The following FIG4 variants were observed in gnomAD, a reference collection of about 807,000 sequenced individuals.
The protein encoded by FIG4 is polyphosphoinositide phosphatase.
Under a neutral mutation model 118.6 loss-of-function variants are expected in FIG4, and 112 were observed. That is an observed-to-expected ratio of 0.94 (90% CI 0.81 to 1.11). The LOEUF is 1.11. Ranked by LOEUF, FIG4 falls within the 50% of genes least tolerant of loss-of-function variation. The probability of loss-of-function intolerance (pLI) is 0.00; values close to 1 mark genes in which losing one functional copy is unlikely to be tolerated. For synonymous variants in FIG4, 369 were observed against 381.2 expected (o/e 0.97, Z 0.37); for missense variants, 969 against 1,111.7 (o/e 0.87, Z 1.83).
At chr6:109,771,116 C>G (rs946610689) in intron 15 of FIG4, among the ~76,000 whole-genome samples, 2 of 152,208 alleles carry the variant, frequency 1.3e-5, no homozygotes, top group Non-Finnish European at 2.9e-5. Context: ...TTGGCAATAG[C>G]AGAAATAAAA....
intron 1 of FIG4, among the ~76,000 whole-genome samples, chr6:109,696,184 T>C (rs1192605284): frequency 6.6e-6 from 1 of 152,208 alleles, no homozygotes; most frequent in Non-Finnish European, 1.5e-5. Context: ...GATTTGACGT[T>C]TGTTCATGTT....
intron 11 of FIG4, among the ~76,000 whole-genome samples, chr6:109,760,763 CA>C (rs1777081293): frequency 6.6e-6 from 1 of 152,084 alleles, no homozygotes; most frequent in Non-Finnish European, 1.5e-5. Flanking sequence ...AGTGTAATGT[CA>C]AAGGCTCGTC....
In FIG4 at chr6:109,765,128, A is replaced by G. The variant is rs1189038219; in HGVS notation, c.1550A>G (p.Lys517Arg). 1 of 1,613,962 alleles carries G rather than the reference A, an allele frequency of 6.2e-7. No homozygotes were observed. The highest frequency in any genetic ancestry group is 2.2e-5 in the East Asian group (1 of 44,870). ...CTGTATTCACTGGGACTGATTGACA[A>G]ACCTAATCTACAGTTTGATACAGAT... ...YQLYSLGLID[K>R]PNLQFDTDAV... Residue 517 changes from lysine to arginine, a missense_variant, in exon 14 of 23, where the codon AAA (lysine) becomes AGA (arginine). By Grantham distance (26) the Lys-to-Arg change is conservative. Transcript: ENST00000230124.
intron 15 of FIG4, among the ~76,000 whole-genome samples, chr6:109,774,526 A>C (rs12215978): frequency 0.023 from 3,473 of 152,126 alleles, 57 homozygotes; most frequent in Non-Finnish European, 0.038. Context: ...ATCTATCTAT[A>C]TATATTATAT....
At chr6:109,697,211 G>A (rs1439209126) in intron 1 of FIG4, among the ~76,000 whole-genome samples, 1 of 148,766 alleles carries the variant, frequency 6.7e-6, no homozygotes, top group Non-Finnish European at 1.5e-5. Context: ...GCAGTGAGCC[G>A]AGATTGTGCC....
At chr6:109,795,595 C>CTT (rs72384711) in intron 21 of FIG4, among the ~76,000 whole-genome samples, 10,462 of 69,226 alleles carry the variant, frequency 0.15, 4,085 homozygotes, top group African/African-American at 0.4. Flanking sequence ...GGTTTCAGTC[C>CTT]TTTTTTTTTT....
intron 19 of FIG4, 44 bp from the exon 20 acceptor site, chr6:109,791,332 G>T: frequency 6.6e-7 from 1 of 1,523,856 alleles, no homozygotes; most frequent in Non-Finnish European, 9.1e-7. Context: ...GGGTGTTGAG[G>T]GTTAGTTTAA....
At chr6:109,754,487 A>G (rs927705673) in intron 10 of FIG4, among the ~76,000 whole-genome samples, 8 of 152,060 alleles carry the variant, frequency 5.3e-5, no homozygotes, top group African/African-American at 9.7e-5. Context: ...CTCTTTTTCT[A>G]TTGATTGGAA....
intron 3 of FIG4, among the ~76,000 whole-genome samples, chr6:109,720,737 G>A (rs1390614318): frequency 6.6e-6 from 1 of 152,172 alleles, no homozygotes; most frequent in Non-Finnish European, 1.5e-5. Flanking sequence ...TCACGGGCCG[G>A]TTCTGAAAGC....
chr6:109,754,306 G>A lies in FIG4; in HGVS notation c.1138-5944G>A, dbSNP rs553431757. On this transcript the variant is annotated intron_variant, in intron 10 of 22. Coordinates refer to ENST00000230124, the MANE Select transcript of FIG4 (RefSeq NM_014845.6). ...GGATGAAGCCCACTTGATCATGGTG[G>A]ATAAGCTTTTTGATGTGTTGCTGGA... Among the ~76,000 whole-genome samples, 176 of 152,268 alleles carry A rather than the reference G, an allele frequency of 1.2e-3. 2 individuals carry two copies. Among genetic ancestry groups the A allele is most frequent in the Middle Eastern group, 3.4e-3 (1 of 292 alleles).
chr6:109,815,809 A>C (rs953578832), intron 22 of FIG4, among the ~76,000 whole-genome samples: 2 of 151,962 alleles, frequency 1.3e-5, no homozygotes, highest in African/African-American at 4.8e-5. Context: ...CAAACAAAAA[A>C]AAACAATAAA....
chr6:109,790,336 A>G (rs1172249983), intron 19 of FIG4, among the ~76,000 whole-genome samples: 1 of 152,194 alleles, frequency 6.6e-6, no homozygotes, highest in Non-Finnish European at 1.5e-5. Context: ...AATGGGACAT[A>G]TATTGATATT....
At chr6:109,796,280 G>T (rs920180128) in intron 21 of FIG4, among the ~76,000 whole-genome samples, 1 of 152,178 alleles carries the variant, frequency 6.6e-6, no homozygotes, top group Admixed American at 6.5e-5. Context: ...GTCTGTGGCC[G>T]GCTCTTAGCA....
intron 3 of FIG4, among the ~76,000 whole-genome samples, chr6:109,724,113 G>A (rs761345011): frequency 2.0e-4 from 30 of 152,062 alleles, no homozygotes; most frequent in Non-Finnish European, 4.1e-4. Context: ...TTTAAGGCGG[G>A]GGGTGGGAGG....
At chr6:109,718,282 C>T (rs1562643974) in intron 3 of FIG4, among the ~76,000 whole-genome samples, 2 of 152,134 alleles carry the variant, frequency 1.3e-5, no homozygotes, top group South Asian at 2.1e-4. Context: ...GACCCAGGCA[C>T]CTCCCACCAG....
chr6:109,739,800 G>T (rs1583667804), intron 7 of FIG4, among the ~76,000 whole-genome samples: 2 of 152,110 alleles, frequency 1.3e-5, no homozygotes, highest in African/African-American at 4.8e-5. Flanking sequence ...CTATTAAGTG[G>T]GTGAATGTGA....
In FIG4 at chr6:109,754,974, T is replaced by G. The variant is rs539514244; in HGVS notation, c.1138-5276T>G. Among the ~76,000 whole-genome samples the G allele has an allele frequency of 4.3e-3, 653 of 152,166 alleles. 3 individuals are homozygous for G. The highest frequency in any genetic ancestry group is 0.014 in the Middle Eastern group (4 of 294). Reference sequence around the variant, plus strand: ...TGATTTTAGTTATTTCTTGCCTTCTTCTAGCTTTTGAATGTGTTTGCTCTT... The same window carrying G: ...TGATTTTAGTTATTTCTTGCCTTCTGCTAGCTTTTGAATGTGTTTGCTCTT... On this transcript the variant is annotated intron_variant, in intron 10 of 22. Transcript: ENST00000230124.
At chr6:109,740,691 C>T (rs1284526075) in intron 7 of FIG4, among the ~76,000 whole-genome samples, 1 of 152,120 alleles carries the variant, frequency 6.6e-6, no homozygotes, top group Non-Finnish European at 1.5e-5. Context: ...ATAATTGAAA[C>T]AGCCTATTAA....
chr6:109,753,752 G>T (rs1030824970), intron 10 of FIG4, among the ~76,000 whole-genome samples: 2 of 152,070 alleles, frequency 1.3e-5, no homozygotes, highest in African/African-American at 4.8e-5. Flanking sequence ...TCTGTTATTG[G>T]TGTATAAGAA....
Sources: allele counts gnomAD v4.1 joint callset (sites outside exome capture counted in the v4.1 genomes callset), GRCh38; gene constraint gnomAD v4.1.1; transcripts MANE v1.5; gene names NCBI Gene and HGNC (gene_info 2026-07-23, HGNC 2026-07-21).